DMXL2: variants seen among roughly 807,000 people sequenced by gnomAD.
The protein encoded by DMXL2 is dmX-like protein 2.
DMXL2 carries 103 observed loss-of-function variants against 331.1 expected under a neutral mutation model. That is an observed-to-expected ratio of 0.31 (90% CI 0.27 to 0.37). The LOEUF (loss-of-function observed/expected upper bound fraction) is 0.37, where lower values mean the gene tolerates loss of function less well. Among genes scored for constraint, DMXL2 ranks in the 10% least tolerant of loss-of-function variants. DMXL2 has a pLI of 1.00. For synonymous variants in DMXL2, 1,281 were observed against 1,252.1 expected, an observed-to-expected ratio of 1.02 and a Z score of -0.49; for missense variants, 3,171 against 3,642.9, an observed-to-expected ratio of 0.87 and a Z score of 3.33.
rs1402954420 is a variant in DMXL2, at chr15:51,449,083, C to T, written c.9078G>A (p.Gln3026=). 2 of 1,614,096 alleles carry T rather than the reference C, an allele frequency of 1.2e-6. No homozygotes were observed. The highest frequency in any genetic ancestry group is 1.3e-5 in the African/African-American group (1 of 74,916). The change falls in exon 44 of 44, where the codon CAG becomes CAA. Residue 3026 remains glutamine, a synonymous_variant. Transcript: ENST00000560891. The part of the protein sequence containing the change: ...GAGVMQIDII[Q]GNRLFSCGAD... Reference sequence around the variant, plus strand: ...CACCACAGGAGAAGAGCCGATTGCCCTGGATGATGTCAATCTGCATGACTC... The same window carrying T: ...CACCACAGGAGAAGAGCCGATTGCCTTGGATGATGTCAATCTGCATGACTC...
Position 51,563,988 on chromosome 15 carries a change from G to A in DMXL2, c.500+137C>T, listed in dbSNP as rs919956785. 109 of 833,916 alleles carry A rather than the reference G, an allele frequency of 1.3e-4. No individual in the cohort carries two copies. In the East Asian group the frequency reaches 2.9e-3, roughly 22 times the overall value. The allele number at this position is 833,916 out of a possible 1,614,324, so 51.7% of individuals were successfully genotyped here. On this transcript the variant is annotated intron_variant, in intron 5 of 43. Transcript: ENST00000560891. ...TAAAGAATGCTATTATATGGGTTTT[G>A]GTTAGAAAAAAATCTACTTTCTAGG...
At chr15:51,575,970 C>A (rs2050999754) in intron 2 of DMXL2, 86 bp downstream of exon 2, 1 of 1,354,256 alleles carries the variant, frequency 7.4e-7, no homozygotes, top group Non-Finnish European at 1.0e-6. Context: ...AAATTATACG[C>A]AAGCTTTGCA....
chr15:51,499,228 G>T lies in DMXL2; in HGVS notation c.3996C>A (p.Gly1332=). 1 of 1,613,932 alleles carries T rather than the reference G, an allele frequency of 6.2e-7. No homozygotes were observed. ...AAAGTACATGTGCAGCCTCAAATAA[G>T]CCACCATCTTGAATTACAGTTGGTG... ...FCSPTVIQDG[G]LFEAAHVLSP... Residue 1332 remains glycine (G), a synonymous_variant, in exon 18 of 44, where the codon GGC becomes GGA. Coordinates refer to ENST00000560891, the MANE Select transcript of DMXL2 (RefSeq NM_001378457.1).
At chr15:51,488,471 T>C in intron 21 of DMXL2, 77 bp downstream of exon 21, 2 of 1,295,108 alleles carry the variant, frequency 1.5e-6, no homozygotes, top group African/African-American at 3.0e-5. Context: ...ACCTAATTAT[T>C]TTCAAAAGCA....
At chr15:51,451,468 G>A (rs1392795689) in intron 42 of DMXL2, among the ~76,000 whole-genome samples, 177 bp downstream of exon 42, 2 of 152,122 alleles carry the variant, frequency 1.3e-5, no homozygotes, top group Non-Finnish European at 2.9e-5. Flanking sequence ...ACTCAGCAAG[G>A]AAGCCAGATA....
chr15:51,474,545 G>A lies in DMXL2; in HGVS notation c.7012C>T (p.Gln2338Ter). ...CATAGCAAAATGTTCAGTTTTGGCT[G>A]GTCTTCATCTTGGGCTGAACTCAAA... ...NLLSSAQDED[Q>*]PKLNILLCEA... Residue 2338 changes from glutamine (Q) to a stop codon, truncating the protein, a stop_gained, in exon 28 of 44, where the codon CAG becomes TAG. Coordinates refer to ENST00000560891, the MANE Select transcript of DMXL2 (RefSeq NM_001378457.1). LOFTEE classifies it high-confidence loss of function. The A allele has an allele frequency of 6.2e-7, 1 of 1,613,982 alleles. No homozygotes were observed. Among genetic ancestry groups the A allele is most frequent in the Non-Finnish European group, 8.5e-7 (1 of 1,179,938 alleles).
intron 1 of DMXL2, 118 bp downstream of exon 1, chr15:51,622,341 G>T: frequency 7.4e-7 from 1 of 1,360,156 alleles, no homozygotes; most frequent in East Asian, 2.6e-5. Flanking sequence ...AAGGGGCCAC[G>T]GGTGGGGCCC....
rs2041086045 is a variant in DMXL2, at chr15:51,471,311, G to A, written c.7304C>T (p.Thr2435Ile). 1 of 1,613,956 alleles carries A rather than the reference G, an allele frequency of 6.2e-7. No homozygotes were observed. Among genetic ancestry groups the A allele is most frequent in the East Asian group, 2.2e-5 (1 of 44,860 alleles). The change falls in exon 29 of 44, where the codon ACC (threonine) becomes ATC (isoleucine). Residue 2435 changes from threonine to isoleucine, a missense_variant. Physicochemically the swap from Thr to Ile is moderately conservative, Grantham distance 89 (BLOSUM62 -1). Around this residue, in one of 7 missense-constraint regions of DMXL2, gnomAD observed 766 missense variants for 940.5 expected, o/e 0.81. Transcript: ENST00000560891. ...TCTTTCTGCAGGCACCGGTGGTGGGGTAGCATCTTTTACAGGCCTTCCAGG... is the reference window on the plus strand; with the variant it reads ...TCTTTCTGCAGGCACCGGTGGTGGGATAGCATCTTTTACAGGCCTTCCAGG... ...LVPGRPVKDA[T>I]PPPVPAERPS...
At chr15:51,450,460 TAC>T in intron 42 of DMXL2, 114 bp from the exon 43 acceptor site, 1 of 1,005,442 alleles carries the variant, frequency 9.9e-7, no homozygotes, top group Admixed American at 2.2e-5. Flanking sequence ...CATTCTAAGG[TAC>T]ATTTATTGTT....
At chr15:51,593,226 C>T (rs916218235) in intron 1 of DMXL2, among the ~76,000 whole-genome samples, 1 of 152,024 alleles carries the variant, frequency 6.6e-6, no homozygotes, top group Non-Finnish European at 1.5e-5. Flanking sequence ...GAAGATCTAC[C>T]AAGCAAATAG....
intron 6 of DMXL2, among the ~76,000 whole-genome samples, chr15:51,549,457 C>A (rs1339549070): frequency 6.6e-6 from 1 of 152,114 alleles, no homozygotes; most frequent in Non-Finnish European, 1.5e-5. Context: ...ATAATGACTT[C>A]TTTTTCTCTG....
At chr15:51,611,016 T>C (rs1266050580) in intron 1 of DMXL2, among the ~76,000 whole-genome samples, 1 of 152,016 alleles carries the variant, frequency 6.6e-6, no homozygotes, top group Non-Finnish European at 1.5e-5. Context: ...ACATTCTAAA[T>C]TCATCTATTA....
chr15:51,498,510 C>A, intron 18 of DMXL2, 42 bp downstream of exon 18: 6 of 1,553,656 alleles, frequency 3.9e-6, no homozygotes, highest in South Asian at 1.2e-5. Flanking sequence ...ACAAATATTT[C>A]TATTAGGTAC....
chr15:51,498,231 C>A (rs182534064), intron 18 of DMXL2, among the ~76,000 whole-genome samples: 3 of 152,026 alleles, frequency 2.0e-5, no homozygotes, highest in African/African-American at 4.8e-5. Context: ...CAGAGCAAGA[C>A]CCTGTCTCAA....
In DMXL2 at chr15:51,474,803, TAAAC is replaced by T. The variant is rs535063187; in HGVS notation, c.6965-215_6965-212del. On this transcript the variant is annotated intron_variant, in intron 27 of 43. Transcript: ENST00000560891. ...TACACTGATATAATAAATGAGTAGA[TAAAC>T]AAAAGGTAAGAAGGGGAAGCTCTTC... Among the ~76,000 whole-genome samples the T allele has an allele frequency of 2.5e-4, 38 of 152,222 alleles. No individual in the cohort carries two copies. In the East Asian group the frequency reaches 6.9e-3, roughly 28 times the overall value.
intron 6 of DMXL2, among the ~76,000 whole-genome samples, chr15:51,560,668 CAA>C (rs992393904): frequency 1.3e-4 from 9 of 71,090 alleles, no homozygotes; most frequent in Admixed American, 1.7e-4. Flanking sequence ...GACTCAGTCT[CAA>C]AAAAAAAAAA....
Position 51,542,453 on chromosome 15 carries a change from C to T in DMXL2, c.985G>A (p.Val329Ile), listed in dbSNP as rs765011703. The T allele has an allele frequency of 7.4e-6, 12 of 1,613,772 alleles. No individual in the cohort carries two copies. In the East Asian group the frequency reaches 2.5e-4, roughly 33 times the overall value. The change falls in exon 9 of 44, where the codon GTA (valine) becomes ATA (isoleucine). Residue 329 changes from valine (V) to isoleucine (I), a missense_variant. Around this residue, in one of 7 missense-constraint regions of DMXL2, gnomAD observed 1,674 missense variants for 1,780.2 expected, o/e 0.94. Coordinates refer to ENST00000560891, the MANE Select transcript of DMXL2 (RefSeq NM_001378457.1). ...TCGGGCATTAATTCAGCATGAGTTACAAGAACAGATGACCTCCTCTGTCCT... is the reference window on the plus strand; with the variant it reads ...TCGGGCATTAATTCAGCATGAGTTATAAGAACAGATGACCTCCTCTGTCCT... ...RKGQRRSSVLVTHAELMPDQT... is the reference protein window; with the variant it reads ...RKGQRRSSVLITHAELMPDQT...
rs560829591 is a variant in DMXL2 at position 51,479,472 on chromosome 15, G to A, written c.6756+476C>T. Among the ~76,000 whole-genome samples the A allele has an allele frequency of 1.3e-4, 20 of 152,232 alleles. No individual in the cohort carries two copies. The South Asian group carries it at 3.7e-3, about 28-fold the overall frequency. ...ATCAATATAGTTCGCAGTAGTAACT[G>A]CCAAAACTCTGATTGCCTCTAACTA... On this transcript the variant is annotated intron_variant, in intron 25 of 43. Coordinates refer to ENST00000560891, the MANE Select transcript of DMXL2 (RefSeq NM_001378457.1).
intron 7 of DMXL2, among the ~76,000 whole-genome samples, chr15:51,545,968 A>G (rs1034059004): frequency 1.3e-5 from 2 of 152,174 alleles, no homozygotes; most frequent in African/African-American, 4.8e-5. Flanking sequence ...AAGAAACAGA[A>G]ATTACTGCCA....
Sources: gnomAD v4.1 joint callset for allele counts (sites outside exome capture counted in the v4.1 genomes callset) on GRCh38, gnomAD v4.1.1 for gene constraint, gnomAD v4.1.1 regional missense constraint, MANE v1.5 for transcripts, NCBI Gene and HGNC (gene_info 2026-07-23, HGNC 2026-07-21) for gene names.